The following SLC30A8 variants were observed in gnomAD, a reference collection of about 807,000 sequenced individuals.
SLC30A8 encodes the protein solute carrier family 30 member 8, also known as proton-coupled zinc antiporter SLC30A8.
In SLC30A8, 27 loss-of-function variants were observed where a neutral mutation model predicts 36.9. That is an observed-to-expected ratio of 0.73 (90% CI 0.54 to 1.01). SLC30A8 has a LOEUF of 1.01. Ranked by LOEUF, SLC30A8 falls within the 50% of genes least tolerant of loss-of-function variation. The pLI, the probability that SLC30A8 is intolerant of heterozygous loss-of-function variation, is 0.00. For synonymous variants in SLC30A8, 164 were observed against 172.4 expected, an observed-to-expected ratio of 0.95 and a Z score of 0.38; for missense variants, 439 against 452.0, an observed-to-expected ratio of 0.97 and a Z score of 0.26.
chr8:117,126,734 C>T (rs1230914858), intron 2 of SLC30A8, among the ~76,000 whole-genome samples: 1 of 151,852 alleles, frequency 6.6e-6, no homozygotes, highest in African/African-American at 2.4e-5. Context: ...AGATGAGAAA[C>T]AAACAAAATT....
At chr8:117,054,098 C>CTTTTTCTT (rs1817792287) in intron 2 of SLC30A8, among the ~76,000 whole-genome samples, 1 of 124,170 alleles carries the variant, frequency 8.1e-6, no homozygotes, top group Non-Finnish European at 1.7e-5. Context: ...CTGCAAAAAT[C>CTTTTTCTT]TTTTTTTTTT....
At position 117,077,948 on chromosome 8, in the gene SLC30A8, C is replaced by T. The variant is rs530064191; in HGVS notation, c.-226+38690C>T. 4.6e-5 allele frequency among the ~76,000 whole-genome samples: 7 copies of T among 152,186 alleles called. No homozygotes were observed. In the South Asian group the frequency reaches 8.3e-4, roughly 18 times the overall value. The stretch of plus-strand genomic sequence containing the variant: ...TTCATCATTAGCACTTTTCGTGGCA[C>T]GGATTGATATTGTGTAGGAGAAGTT... On this transcript the variant is annotated intron_variant, in intron 2 of 10. Transcript: ENST00000427715.
intron 2 of SLC30A8, among the ~76,000 whole-genome samples, chr8:117,097,029 C>T (rs1819394718): frequency 6.6e-6 from 1 of 151,970 alleles, no homozygotes; most frequent in Admixed American, 6.6e-5. Flanking sequence ...AGAGTCATCC[C>T]ATTTTTGCCT....
chr8:117,135,706 A>C (rs1312620386), intron 1 of SLC30A8, among the ~76,000 whole-genome samples: 1 of 151,862 alleles, frequency 6.6e-6, no homozygotes, highest in East Asian at 1.9e-4. Context: ...AATTATTCTC[A>C]ATTTTAAGAT....
intron 2 of SLC30A8, among the ~76,000 whole-genome samples, chr8:117,082,974 A>G (rs1818725481): frequency 1.3e-5 from 2 of 152,164 alleles, no homozygotes; most frequent in Non-Finnish European, 2.9e-5. Context: ...CAAGTGCAAA[A>G]CAGAACCTGT....
intron 1 of SLC30A8, among the ~76,000 whole-genome samples, chr8:116,981,575 A>G (rs1464027464): frequency 6.6e-6 from 1 of 151,968 alleles, no homozygotes; most frequent in South Asian, 2.1e-4. Context: ...CCCTCTCACT[A>G]CCCTCAAGCA....
chr8:116,993,244 A>T (rs977968734), intron 1 of SLC30A8, among the ~76,000 whole-genome samples: 1 of 151,190 alleles, frequency 6.6e-6, no homozygotes, highest in African/African-American at 2.5e-5. Context: ...TCCAGGCAAG[A>T]TGGAGCAACC....
intron 1 of SLC30A8, among the ~76,000 whole-genome samples, chr8:117,010,271 G>C (rs201349366): frequency 6.6e-6 from 1 of 152,184 alleles, no homozygotes; most frequent in East Asian, 1.9e-4. Context: ...GGGTGAGGGA[G>C]CTCCCTTTGT....
At chr8:117,144,649 GAT>G (rs1362957743) in intron 1 of SLC30A8, among the ~76,000 whole-genome samples, 1 of 152,122 alleles carries the variant, frequency 6.6e-6, no homozygotes, top group African/African-American at 2.4e-5. Context: ...TAAACATAAT[GAT>G]ATAGAAAATT....
intron 2 of SLC30A8, among the ~76,000 whole-genome samples, chr8:117,089,559 A>G (rs1049715497): frequency 6.6e-6 from 1 of 152,052 alleles, no homozygotes; most frequent in African/African-American, 2.4e-5. Context: ...ACTTCTCTCC[A>G]TCCCCACTAC....
chr8:117,157,541 C>T (rs1822558641), intron 3 of SLC30A8, 150 bp from the exon 4 acceptor site: 4 of 769,104 alleles, frequency 5.2e-6, no homozygotes, highest in Non-Finnish European at 8.3e-6. Flanking sequence ...GTTTTAAAAT[C>T]CATCCACACT....
At chr8:117,111,385 A>G (rs893661989) in intron 2 of SLC30A8, among the ~76,000 whole-genome samples, 3 of 151,910 alleles carry the variant, frequency 2.0e-5, no homozygotes, top group African/African-American at 7.3e-5. Flanking sequence ...GCAGTAGACC[A>G]CTCTTATTTG....
intron 2 of SLC30A8, among the ~76,000 whole-genome samples, chr8:117,110,012 T>C (rs1441970423): frequency 6.6e-6 from 1 of 152,180 alleles, no homozygotes; most frequent in African/African-American, 2.4e-5. Flanking sequence ...TAAACTGAAG[T>C]GCAAAGCATT....
At chr8:117,030,890 C>T (rs1586420570) in intron 1 of SLC30A8, among the ~76,000 whole-genome samples, 1 of 152,186 alleles carries the variant, frequency 6.6e-6, no homozygotes, top group African/African-American at 2.4e-5. Context: ...ATATCACAGA[C>T]ATGTGTGCTT....
chr8:117,152,063 C>T (rs1168497631), intron 2 of SLC30A8, among the ~76,000 whole-genome samples: 4 of 152,130 alleles, frequency 2.6e-5, no homozygotes, highest in Non-Finnish European at 4.4e-5. Flanking sequence ...GATGGCGGGG[C>T]TGATGGCTGA....
chr8:117,078,741 C>T (rs1586476866), intron 2 of SLC30A8, among the ~76,000 whole-genome samples: 1 of 152,164 alleles, frequency 6.6e-6, no homozygotes, highest in East Asian at 1.9e-4. Flanking sequence ...GGCTGGAATG[C>T]AGTGGTATGA....
chr8:117,107,471 A>T (rs891347991), intron 2 of SLC30A8, among the ~76,000 whole-genome samples: 1 of 152,210 alleles, frequency 6.6e-6, no homozygotes, highest in African/African-American at 2.4e-5. Flanking sequence ...CTTTGCCAAC[A>T]ACAGATTTTC....
chr8:117,142,787 C>G (rs1364887546), intron 1 of SLC30A8, among the ~76,000 whole-genome samples: 2 of 152,136 alleles, frequency 1.3e-5, no homozygotes, highest in South Asian at 4.1e-4. Context: ...ATTCATCATA[C>G]TATATAGCCT....
At chr8:117,123,675 A>C (rs1259060693) in intron 2 of SLC30A8, among the ~76,000 whole-genome samples, 1 of 152,062 alleles carries the variant, frequency 6.6e-6, no homozygotes, top group Non-Finnish European at 1.5e-5. Context: ...AGTTCACGTA[A>C]GTGTATAATT....
Sources: gnomAD v4.1 joint callset for allele counts (sites outside exome capture counted in the v4.1 genomes callset) on GRCh38, gnomAD v4.1.1 for gene constraint, MANE v1.5 for transcripts, NCBI Gene and HGNC (gene_info 2026-07-23, HGNC 2026-07-21) for gene names.